CCDC88A: variants seen among roughly 807,000 people sequenced by gnomAD.
The protein encoded by CCDC88A is girdin.
CCDC88A carries 54 observed loss-of-function variants against 234.3 expected under a neutral mutation model. That is an observed-to-expected ratio of 0.23 (90% CI 0.19 to 0.29). CCDC88A has a LOEUF of 0.29. Among genes scored for constraint, CCDC88A ranks in the 10% least tolerant of loss-of-function variants. The pLI, the probability that CCDC88A is intolerant of heterozygous loss-of-function variation, is 1.00. For missense variants in CCDC88A, 1,832 were observed against 2,123.4 expected (o/e 0.86, Z 2.70); for synonymous variants, 753 against 737.8 (o/e 1.02, Z -0.33).
intron 2 of CCDC88A, among the ~76,000 whole-genome samples, chr2:55,402,289 A>C (rs1465195800): frequency 1.3e-5 from 2 of 152,178 alleles, no homozygotes; most frequent in African/African-American, 2.4e-5. Flanking sequence ...CTTCTTTGCA[A>C]ATCTCAGTGT....
At chr2:55,326,423 G>T (rs368974184) in intron 17 of CCDC88A, among the ~76,000 whole-genome samples, 1 of 151,820 alleles carries the variant, frequency 6.6e-6, no homozygotes, top group East Asian at 1.9e-4. Context: ...TATACTATTC[G>T]TATTTAACTT....
intron 13 of CCDC88A, 85 bp downstream of exon 13, chr2:55,339,379 T>G: frequency 8.5e-7 from 1 of 1,175,460 alleles, no homozygotes; most frequent in Non-Finnish European, 1.2e-6. Flanking sequence ...GAGCGTGCAT[T>G]TAAAAAGTGG....
Position 55,332,773 on chromosome 2 carries a change from C to A in CCDC88A, c.2728-80G>T. The A allele has an allele frequency of 8.2e-7, 1 of 1,224,386 alleles. No individual in the cohort carries two copies. Among genetic ancestry groups the A allele is most frequent in the Non-Finnish European group, 1.2e-6 (1 of 849,504 alleles). The allele number at this position is 1,224,386 out of a possible 1,614,324, so 75.8% of individuals were successfully genotyped here. On this transcript the variant is annotated intron_variant, in intron 15 of 32. Transcript: ENST00000436346. The surrounding 1 kb of genome is among the most constrained non-coding windows in gnomAD (Gnocchi z 4.5). ...AGAAAGTCAGCTAAGATTCTAATTA[C>A]CACCATCTAGGAATACATGTAATTT...
intron 2 of CCDC88A, chr2:55,394,640 A>G (rs1434200438): frequency 8.7e-6 from 1 of 115,282 alleles, no homozygotes; most frequent in Non-Finnish European, 1.7e-5. Flanking sequence ...GGGGAACATC[A>G]CACACTGGGG....
intron 9 of CCDC88A, among the ~76,000 whole-genome samples, chr2:55,347,275 A>G (rs1669261677): frequency 6.6e-6 from 1 of 152,182 alleles, no homozygotes; most frequent in Non-Finnish European, 1.5e-5. Context: ...TAGTTCTTAA[A>G]GTGTAATCCA....
At chr2:55,355,382 T>A in intron 8 of CCDC88A, 197 bp downstream of exon 8, 1 of 531,182 alleles carries the variant, frequency 1.9e-6, no homozygotes, top group Non-Finnish European at 3.3e-6. Flanking sequence ...AGAAAGGCCA[T>A]AAATCCAGAA....
rs772364795 is a variant in CCDC88A at position 55,299,800 on chromosome 2, A to T, written c.4825+39T>A. On this transcript the variant is annotated intron_variant, in intron 29 of 32. Coordinates refer to ENST00000436346, the MANE Select transcript of CCDC88A (RefSeq NM_001365480.1). ...CCATCTCCCACCTTTAAATACTGGA[A>T]ATGGATAGAGCGCATTAATAAATTT... 9 of 1,330,636 alleles carry T rather than the reference A, an allele frequency of 6.8e-6. No homozygotes were observed. In the African/African-American group the frequency reaches 1.0e-4, roughly 15 times the overall value. The allele number at this position is 1,330,636 out of a possible 1,614,324, so 82.4% of individuals were successfully genotyped here.
chr2:55,367,935 C>T (rs1484446522), intron 5 of CCDC88A, among the ~76,000 whole-genome samples: 1 of 152,160 alleles, frequency 6.6e-6, no homozygotes, highest in Non-Finnish European at 1.5e-5. Flanking sequence ...GGATACTAAG[C>T]AGCCTGCACT....
intron 4 of CCDC88A, among the ~76,000 whole-genome samples, chr2:55,373,481 GAAT>G (rs1412671740): frequency 2.0e-5 from 3 of 152,044 alleles, no homozygotes; most frequent in Admixed American, 1.3e-4. Context: ...TCAACTTTAA[GAAT>G]AATTAATGGC....
At chr2:55,340,520 C>T (rs189488357) in intron 12 of CCDC88A, among the ~76,000 whole-genome samples, 108 of 152,118 alleles carry the variant, frequency 7.1e-4, no homozygotes, top group Non-Finnish European at 9.4e-4. Context: ...GCTGGTATAC[C>T]GAATAGTTAC....
chr2:55,324,152 A>T (rs1683977676), intron 17 of CCDC88A: 1 of 149,526 alleles, frequency 6.7e-6, no homozygotes, highest in Non-Finnish European at 1.5e-5. Flanking sequence ...TAATTAAAAA[A>T]TTGTCAAAGT....
chr2:55,417,885 T>A (rs1343840645), intron 2 of CCDC88A: 1 of 152,026 alleles, frequency 6.6e-6, no homozygotes, highest in Non-Finnish European at 1.5e-5. Context: ...ATATAAAAGT[T>A]CCAAACTACC....
At chr2:55,397,195 T>G (rs898970639) in intron 2 of CCDC88A, 3 of 152,068 alleles carry the variant, frequency 2.0e-5, no homozygotes, top group Non-Finnish European at 2.9e-5. Context: ...CCTGGGTTCA[T>G]GCAATTCTCC....
chr2:55,326,311 C>A (rs1393674792), intron 17 of CCDC88A, among the ~76,000 whole-genome samples: 1 of 152,006 alleles, frequency 6.6e-6, no homozygotes, highest in East Asian at 1.9e-4. Flanking sequence ...AGCCACTGTG[C>A]CTAGCCTGGA....
chr2:55,366,575 AC>A (rs368737226), intron 5 of CCDC88A, among the ~76,000 whole-genome samples: 249 of 147,496 alleles, frequency 1.7e-3, no homozygotes, highest in African/African-American at 5.9e-3. Flanking sequence ...ACACACACAC[AC>A]AAGATATGAT....
intron 2 of CCDC88A, among the ~76,000 whole-genome samples, chr2:55,390,802 A>G (rs537435237): frequency 6.6e-6 from 1 of 152,198 alleles, no homozygotes; most frequent in East Asian, 1.9e-4. Flanking sequence ...AGGGAGCTAC[A>G]CTAACAAAGG....
Position 55,287,874 on chromosome 2 carries a change from T to G in CCDC88A, c.*3326A>C, listed in dbSNP as rs181853817. 27 of 152,462 alleles carry G rather than the reference T, an allele frequency of 1.8e-4. No homozygotes were observed. The highest frequency in any genetic ancestry group is 6.3e-4 in the African/African-American group (26 of 41,468). 9.4% of individuals were successfully genotyped at this position (152,462 alleles called of 1,614,324 possible). A position where few individuals can be genotyped will look rare whatever the true frequency, so the allele number is the denominator to read the frequency against. On this transcript the variant is annotated 3_prime_UTR_variant, in exon 33 of 33. Transcript: ENST00000436346. ...AAAAATCACCTCTTGGTTTTATTTC[T>G]TTTTATATTAGTTTGATACGTGAAT...
chr2:55,401,447 A>AAAAAAAAAAAAAAAAT (rs1334606165), intron 2 of CCDC88A, among the ~76,000 whole-genome samples: 4 of 27,156 alleles, frequency 1.5e-4, no homozygotes, highest in African/African-American at 2.7e-4. Context: ...AAAAAAAAAA[A>AAAAAAAAAAAAAAAAT]ATATATATAT....
intron 16 of CCDC88A, among the ~76,000 whole-genome samples, chr2:55,330,999 T>C (rs1684850348): frequency 6.6e-6 from 1 of 152,214 alleles, no homozygotes; most frequent in Non-Finnish European, 1.5e-5. Flanking sequence ...GATCAGCAGA[T>C]AAGAAGAGCT....
Sources: gnomAD v4.1 joint callset for allele counts (sites outside exome capture counted in the v4.1 genomes callset) on GRCh38, gnomAD v4.1.1 for gene constraint, Gnocchi (gnomAD v3.1) non-coding constraint, MANE v1.5 for transcripts, NCBI Gene and HGNC (gene_info 2026-07-23, HGNC 2026-07-21) for gene names.